The following PHF14 variants were observed in gnomAD, a reference collection of about 807,000 sequenced individuals.
PHF14 encodes PHD finger protein 14.
A neutral mutation model predicts 117.9 loss-of-function variants in PHF14; 55 were observed. That is an observed-to-expected ratio of 0.47 (90% CI 0.38 to 0.58). The LOEUF is 0.58. PHF14 is among the 20% of genes least tolerant of loss of function. The pLI is 0.00. For missense variants in PHF14, 978 were observed against 1,122.2 expected (o/e 0.87, Z 1.84); for synonymous variants, 409 against 368.6 (o/e 1.11, Z -1.26).
chr7:11,015,321 T>C (rs943532616), intron 5 of PHF14: 8 of 152,310 alleles, frequency 5.3e-5, no homozygotes, highest in South Asian at 2.1e-4. Context: ...GAATCTACCA[T>C]TGAATCTTGG....
At chr7:11,070,479 T>G (rs951905382) in intron 16 of PHF14, among the ~76,000 whole-genome samples, 29 of 152,374 alleles carry the variant, frequency 1.9e-4, no homozygotes, top group African/African-American at 6.7e-4. Context: ...TGCTGGCCTT[T>G]TCAGTGTTCA....
chr7:11,116,607 T>C (rs1156690940), intron 17 of PHF14, among the ~76,000 whole-genome samples: 1 of 151,936 alleles, frequency 6.6e-6, no homozygotes, highest in South Asian at 2.1e-4. Flanking sequence ...CAATCTCTTA[T>C]CACCCTCTAC....
rs1788574664 is a variant in PHF14, at chr7:11,147,298, C to T, written c.2773-22118C>T. Among the ~76,000 whole-genome samples, 4 of 152,172 alleles carry T rather than the reference C, an allele frequency of 2.6e-5. No homozygotes were observed. The South Asian group carries it at 8.3e-4, about 32-fold the overall frequency. The stretch of plus-strand genomic sequence containing the variant: ...CACTTAAGAAGTCCAGAGATAGCAG[C>T]TCAAGGCCGTCAGGAGTGATTTTTA... On this transcript the variant is annotated intron_variant, in intron 17 of 17. Transcript: ENST00000634607.
intron 16 of PHF14, among the ~76,000 whole-genome samples, chr7:11,100,561 C>G (rs1487978190): frequency 6.6e-6 from 1 of 151,920 alleles, no homozygotes; most frequent in Admixed American, 6.6e-5. Context: ...CAGAAAAATA[C>G]TACCATAGTG....
chr7:11,159,695 C>G (rs1788968046), intron 17 of PHF14, among the ~76,000 whole-genome samples: 2 of 151,970 alleles, frequency 1.3e-5, no homozygotes, highest in Non-Finnish European at 1.5e-5. Flanking sequence ...GTAAAAGGTA[C>G]AAGGGATCTC....
At chr7:11,082,339 C>T (rs1259095958) in intron 16 of PHF14, among the ~76,000 whole-genome samples, 2 of 152,116 alleles carry the variant, frequency 1.3e-5, no homozygotes, top group Non-Finnish European at 2.9e-5. Context: ...CAGAGCAAGA[C>T]CCTGTCTCAA....
intron 10 of PHF14, among the ~76,000 whole-genome samples, chr7:11,038,424 C>A (rs1380318485): frequency 7.1e-6 from 1 of 141,704 alleles, no homozygotes; most frequent in Non-Finnish European, 1.5e-5. Flanking sequence ...GAGTGAGACT[C>A]CATCTCAAAA....
intron 16 of PHF14, among the ~76,000 whole-genome samples, chr7:11,083,405 G>A (rs562069747): frequency 8.0e-5 from 12 of 149,718 alleles, no homozygotes; most frequent in East Asian, 3.9e-4. Flanking sequence ...CTCCCACCCC[G>A]TATCATCGTG....
intron 6 of PHF14, among the ~76,000 whole-genome samples, chr7:11,023,584 C>G (rs1048388352): frequency 1.3e-5 from 2 of 152,078 alleles, no homozygotes; most frequent in Admixed American, 1.3e-4. Context: ...CCCAGCACTT[C>G]GGGAGGCCAA....
intron 13 of PHF14, among the ~76,000 whole-genome samples, chr7:11,045,933 A>C (rs1300482647): frequency 5.3e-5 from 8 of 152,168 alleles, no homozygotes; most frequent in Non-Finnish European, 1.2e-4. Context: ...AGTAAATGTG[A>C]TTATTTGATT....
At chr7:11,117,755 G>T (rs191229895) in intron 17 of PHF14, among the ~76,000 whole-genome samples, 29 of 151,678 alleles carry the variant, frequency 1.9e-4, no homozygotes, top group African/African-American at 7.0e-4. Context: ...ATTGAACTTG[G>T]TAATATTGGA....
chr7:11,028,052 T>G (rs1783985122), intron 6 of PHF14, among the ~76,000 whole-genome samples: 2 of 152,176 alleles, frequency 1.3e-5, no homozygotes, highest in South Asian at 4.1e-4. Flanking sequence ...TACATCCTGA[T>G]AAATCCATTG....
intron 4 of PHF14, among the ~76,000 whole-genome samples, chr7:10,993,577 C>T (rs1782533734): frequency 6.6e-6 from 1 of 152,168 alleles, no homozygotes; most frequent in Admixed American, 6.5e-5. Context: ...AATGTCTGGA[C>T]AGACAGGCAG....
At position 10,982,925 on chromosome 7, in the gene PHF14, A is replaced by C. The variant is rs376684531; in HGVS notation, c.666A>C (p.Lys222Asn). Reference protein sequence around the residue: ...NDWRPTVVKRKGRSASQKEGS... With the variant: ...NDWRPTVVKRNGRSASQKEGS... The stretch of plus-strand genomic sequence containing the variant: ...GGCGACCTACTGTAGTAAAGAGAAA[A>C]GGGAGATCTGCGTCTCAGAAAGAGG... Residue 222 changes from lysine to asparagine, a missense_variant, in exon 3 of 18, where the codon AAA becomes AAC. Around this residue, in one of 7 missense-constraint regions of PHF14, gnomAD observed 414 missense variants for 376.4 expected, o/e 1.10. Transcript: ENST00000634607. 41 of 1,611,034 alleles carry C rather than the reference A, an allele frequency of 2.5e-5. 1 individual carries two copies. The Middle Eastern group carries it at 5.0e-4, about 19-fold the overall frequency.
intron 17 of PHF14, among the ~76,000 whole-genome samples, chr7:11,133,005 T>C (rs1212167552): frequency 6.6e-6 from 1 of 151,816 alleles, no homozygotes; most frequent in Non-Finnish European, 1.5e-5. Context: ...TAACAAAATA[T>C]ACACAAAACC....
At chr7:11,110,117 C>T (rs1488889583) in intron 16 of PHF14, 4 of 151,780 alleles carry the variant, frequency 2.6e-5, no homozygotes, top group Non-Finnish European at 4.4e-5. Flanking sequence ...TTTACAGTCC[C>T]TTTTATTATG....
At chr7:10,984,802 A>G (rs1937294882) in intron 3 of PHF14, among the ~76,000 whole-genome samples, 1 of 152,168 alleles carries the variant, frequency 6.6e-6, no homozygotes, top group Non-Finnish European at 1.5e-5. Context: ...TGATGCATTT[A>G]AAGTCCATGT....
intron 16 of PHF14, among the ~76,000 whole-genome samples, chr7:11,094,988 C>T (rs1261986059): frequency 6.6e-6 from 1 of 151,870 alleles, no homozygotes; most frequent in Non-Finnish European, 1.5e-5. Context: ...ATTGTTTTTC[C>T]ATTCTAGCCA....
chr7:11,103,842 CAG>C (rs2128341917), intron 16 of PHF14: 3 of 980,484 alleles, frequency 3.1e-6, no homozygotes, highest in Non-Finnish European at 3.6e-6. Context: ...TACATATAAA[CAG>C]ATTATTAGCT....
Sources: gnomAD v4.1 joint callset for allele counts (sites outside exome capture counted in the v4.1 genomes callset) on GRCh38, gnomAD v4.1.1 for gene constraint, gnomAD v4.1.1 regional missense constraint, MANE v1.5 for transcripts, NCBI Gene and HGNC (gene_info 2026-07-23, HGNC 2026-07-21) for gene names.